ST7: variants seen among roughly 807,000 people sequenced by gnomAD.
The protein encoded by ST7 is suppression of tumorigenicity 7, also known as suppressor of tumorigenicity 7 protein.
Under a neutral mutation model 78.7 loss-of-function variants are expected in ST7, and 28 were observed. The observed-to-expected ratio is 0.36, with a 90% CI of 0.26 to 0.49. The LOEUF (loss-of-function observed/expected upper bound fraction) is 0.49, where lower values mean the gene tolerates loss of function less well. Among genes scored for constraint, ST7 ranks in the 20% least tolerant of loss-of-function variants. ST7 has a pLI of 0.99. For synonymous variants in ST7, 247 were observed against 249.6 expected, an observed-to-expected ratio of 0.99 and a Z score of 0.10; for missense variants, 418 against 696.0, an observed-to-expected ratio of 0.60 and a Z score of 4.49.
intron 1 of ST7, among the ~76,000 whole-genome samples, chr7:117,045,898 T>A (rs1797468468): frequency 6.6e-6 from 1 of 152,186 alleles, no homozygotes; most frequent in African/African-American, 2.4e-5. Flanking sequence ...TACCTTTCAG[T>A]TAAAGGGAAA....
chr7:117,209,554 G>A (rs1344858254), intron 12 of ST7, among the ~76,000 whole-genome samples: 1 of 152,154 alleles, frequency 6.6e-6, no homozygotes. Context: ...GAGTGTCTTA[G>A]CCTGAAAGCC....
intron 1 of ST7, among the ~76,000 whole-genome samples, chr7:117,065,375 A>AT (rs1798582096): frequency 6.6e-6 from 1 of 151,666 alleles, no homozygotes; most frequent in Non-Finnish European, 1.5e-5. Flanking sequence ...TGCCCGGCTA[A>AT]TTTTTTTGTA....
intron 1 of ST7, among the ~76,000 whole-genome samples, chr7:117,009,069 T>C (rs563332764): frequency 1.3e-5 from 2 of 152,232 alleles, no homozygotes; most frequent in African/African-American, 4.8e-5. Flanking sequence ...GAACAGATGG[T>C]CCCACAAAAT....
intron 10 of ST7, among the ~76,000 whole-genome samples, chr7:117,181,375 G>A (rs1197140659): frequency 6.6e-6 from 1 of 152,168 alleles, no homozygotes; most frequent in African/African-American, 2.4e-5. Context: ...AACATTATGG[G>A]ATAGTGACAA....
At chr7:117,063,904 C>G (rs560605429) in intron 1 of ST7, among the ~76,000 whole-genome samples, 2 of 152,144 alleles carry the variant, frequency 1.3e-5, no homozygotes, top group Non-Finnish European at 2.9e-5. Flanking sequence ...CAATTCCCGA[C>G]AGGCATTACT....
intron 14 of ST7, among the ~76,000 whole-genome samples, chr7:117,221,396 C>T (rs1192238831): frequency 6.6e-6 from 1 of 152,058 alleles, no homozygotes; most frequent in Non-Finnish European, 1.5e-5. Flanking sequence ...ATGAGGGTGG[C>T]ACCCTCCACT....
intron 7 of ST7, among the ~76,000 whole-genome samples, chr7:117,134,508 A>T (rs1804623145): frequency 6.6e-6 from 1 of 151,980 alleles, no homozygotes; most frequent in South Asian, 2.1e-4. Context: ...TCCTAAGAAT[A>T]CCATTTGAAA....
At chr7:116,999,901 C>G (rs757337432) in intron 1 of ST7, among the ~76,000 whole-genome samples, 1 of 146,286 alleles carries the variant, frequency 6.8e-6, no homozygotes, top group African/African-American at 2.5e-5. Context: ...AGCTTCATCT[C>G]CTGGGTTCAC....
At chr7:116,962,223 T>C (rs1303057320) in intron 1 of ST7, among the ~76,000 whole-genome samples, 1 of 152,230 alleles carries the variant, frequency 6.6e-6, no homozygotes, top group Non-Finnish European at 1.5e-5. Context: ...TCTTTGCTAT[T>C]GTACATGGTG....
intron 1 of ST7, chr7:116,972,681 C>T: frequency 9.8e-7 from 1 of 1,016,868 alleles, no homozygotes; most frequent in South Asian, 1.3e-5. Flanking sequence ...CCGCTTCTTC[C>T]AGCTTTTGCA....
chr7:117,152,125 A>AAT (rs1323481400), intron 9 of ST7, among the ~76,000 whole-genome samples: 11 of 143,390 alleles, frequency 7.7e-5, no homozygotes, highest in African/African-American at 2.8e-4. Context: ...TCTCAAAAAA[A>AAT]AATAATAATA....
intron 1 of ST7, among the ~76,000 whole-genome samples, chr7:117,050,923 C>T (rs1024329482): frequency 2.3e-5 from 2 of 87,372 alleles, no homozygotes; most frequent in Non-Finnish European, 2.2e-5. Context: ...AGCGAGACTA[C>T]GTCTCAAAAA....
chr7:117,222,836 C>G (rs775427453), intron 15 of ST7: 4 of 1,573,448 alleles, frequency 2.5e-6, no homozygotes, highest in Non-Finnish European at 3.5e-6. Flanking sequence ...TCTAACTTGG[C>G]TGGGTTGATT....
At chr7:116,981,184 C>T (rs1398352308) in intron 1 of ST7, among the ~76,000 whole-genome samples, 1 of 152,050 alleles carries the variant, frequency 6.6e-6, no homozygotes, top group East Asian at 1.9e-4. Context: ...TCATGGCTCA[C>T]TGCAGCCTCG....
At chr7:117,102,173 T>C (rs1294300050) in intron 2 of ST7, among the ~76,000 whole-genome samples, 3 of 152,216 alleles carry the variant, frequency 2.0e-5, no homozygotes, top group East Asian at 1.9e-4. Flanking sequence ...TCTGAAATGA[T>C]GGTGATAGTG....
intron 9 of ST7, chr7:117,144,291 A>T (rs1046004753): frequency 6.6e-6 from 1 of 152,034 alleles, no homozygotes; most frequent in African/African-American, 2.4e-5. Flanking sequence ...AGGCAAAGAA[A>T]AATTTTATTA....
intron 1 of ST7, among the ~76,000 whole-genome samples, chr7:116,958,162 A>ATTTTTTTTTTTT (rs34132237): frequency 9.4e-5 from 9 of 95,610 alleles, no homozygotes; most frequent in Admixed American, 1.4e-4. Context: ...TGCGTGGCTA[A>ATTTTTTTTTTTT]TTTTTTTTTT....
chr7:117,009,263 T>G (rs963548382), intron 1 of ST7, among the ~76,000 whole-genome samples: 11 of 23,166 alleles, frequency 4.7e-4, no homozygotes, highest in African/African-American at 7.2e-4. Flanking sequence ...TTTTGTTTTT[T>G]TTTTTTTGTT....
intron 12 of ST7, among the ~76,000 whole-genome samples, chr7:117,199,464 C>G (rs1441930835): frequency 1.3e-5 from 2 of 152,190 alleles, no homozygotes; most frequent in African/African-American, 4.8e-5. Context: ...TCCTGTCAAC[C>G]ACAACATATT....
Sources: gnomAD v4.1 joint callset for allele counts (sites outside exome capture counted in the v4.1 genomes callset) on GRCh38, gnomAD v4.1.1 for gene constraint, MANE v1.5 for transcripts, NCBI Gene and HGNC (gene_info 2026-07-23, HGNC 2026-07-21) for gene names.